The following PARD3 variants were observed in gnomAD, a reference collection of about 807,000 sequenced individuals.
PARD3 encodes partitioning defective 3 homolog.
PARD3 carries 75 observed loss-of-function variants against 155.4 expected under a neutral mutation model. The ratio of observed to expected loss-of-function variants is 0.48; its 90% CI spans 0.40 to 0.58. The LOEUF is 0.58. Ranked by LOEUF, PARD3 falls within the 20% of genes least tolerant of loss-of-function variation. The pLI, the probability that PARD3 is intolerant of heterozygous loss-of-function variation, is 0.00. For synonymous variants in PARD3, 576 were observed against 610.5 expected (o/e 0.94, Z 0.83); for missense variants, 1,642 against 1,721.7 (o/e 0.95, Z 0.82).
chr10:34,320,019 A>C (rs915928179), intron 19 of PARD3, among the ~76,000 whole-genome samples: 1 of 152,278 alleles, frequency 6.6e-6, no homozygotes, highest in African/African-American at 2.4e-5. Context: ...ATCTTTTATT[A>C]TTGCACTTCT....
chr10:34,643,913 T>A (rs568658657), intron 2 of PARD3, among the ~76,000 whole-genome samples: 2 of 152,264 alleles, frequency 1.3e-5, no homozygotes, highest in East Asian at 3.9e-4. Flanking sequence ...CGAGACCCTG[T>A]CTCCAAGTAA....
At chr10:34,606,198 G>A (rs916872106) in intron 2 of PARD3, among the ~76,000 whole-genome samples, 144 of 94,416 alleles carry the variant, frequency 1.5e-3, no homozygotes, top group Non-Finnish European at 3.1e-4. Context: ...GTGTGTGTGT[G>A]TGTGTGTGTG....
intron 1 of PARD3, among the ~76,000 whole-genome samples, chr10:34,767,207 T>C (rs1838208088): frequency 6.6e-6 from 1 of 152,174 alleles, no homozygotes; most frequent in Non-Finnish European, 1.5e-5. Context: ...TTAACAGAGC[T>C]GGGAGTCTAG....
intron 2 of PARD3, among the ~76,000 whole-genome samples, chr10:34,573,366 G>GT (rs1161733081): frequency 6.6e-6 from 1 of 151,616 alleles, no homozygotes; most frequent in African/African-American, 2.4e-5. Flanking sequence ...TTAAAAATAG[G>GT]TAAGAATTTC....
At chr10:34,710,151 A>C (rs1055311977) in intron 1 of PARD3, among the ~76,000 whole-genome samples, 1 of 152,218 alleles carries the variant, frequency 6.6e-6, no homozygotes, top group Non-Finnish European at 1.5e-5. Context: ...ACAATAGAGA[A>C]TGGGAACTAG....
At chr10:34,535,912 C>T (rs1464775013) in intron 2 of PARD3, among the ~76,000 whole-genome samples, 2 of 151,984 alleles carry the variant, frequency 1.3e-5, no homozygotes, top group East Asian at 3.9e-4. Flanking sequence ...AATGCTTTTC[C>T]TTCAAAGACA....
intron 3 of PARD3, among the ~76,000 whole-genome samples, chr10:34,473,519 T>C (rs557394111): frequency 2.3e-5 from 3 of 127,960 alleles, no homozygotes; most frequent in African/African-American, 1.2e-4. Flanking sequence ...AGATCCTGTC[T>C]CTACAAAAAA....
At chr10:34,745,019 A>G (rs1257227739) in intron 1 of PARD3, among the ~76,000 whole-genome samples, 3 of 152,170 alleles carry the variant, frequency 2.0e-5, no homozygotes, top group African/African-American at 7.2e-5. Flanking sequence ...GCCTGACCCC[A>G]GAAAAATCAA....
intron 2 of PARD3, among the ~76,000 whole-genome samples, chr10:34,572,495 C>G (rs144160162): frequency 0.019 from 2,844 of 152,028 alleles, 36 homozygotes; most frequent in Middle Eastern, 0.048. Flanking sequence ...CAAAAATTAG[C>G]CAGGTGTGGT....
intron 3 of PARD3, among the ~76,000 whole-genome samples, chr10:34,471,805 C>T (rs978461758): frequency 1.3e-5 from 2 of 152,146 alleles, no homozygotes; most frequent in African/African-American, 2.4e-5. Context: ...GTTATCCACC[C>T]GCCTCGGCCC....
intron 14 of PARD3, among the ~76,000 whole-genome samples, chr10:34,351,798 G>C (rs1838113330): frequency 2.6e-5 from 4 of 152,240 alleles, no homozygotes; most frequent in Admixed American, 2.6e-4. Flanking sequence ...CCACTCACTT[G>C]TGTAAGAGAA....
chr10:34,659,353 A>G (rs2093263854), intron 2 of PARD3, among the ~76,000 whole-genome samples: 1 of 152,234 alleles, frequency 6.6e-6, no homozygotes, highest in South Asian at 2.1e-4. Flanking sequence ...CTTGCAAAAA[A>G]GTAGAGAGGA....
At chr10:34,454,276 G>C (rs893172272) in intron 4 of PARD3, among the ~76,000 whole-genome samples, 1 of 151,946 alleles carries the variant, frequency 6.6e-6, no homozygotes, top group African/African-American at 2.4e-5. Flanking sequence ...GGCCTGTAAA[G>C]CTGTGTATCT....
At chr10:34,187,638 T>A (rs1950544520) in intron 22 of PARD3, among the ~76,000 whole-genome samples, 1 of 152,210 alleles carries the variant, frequency 6.6e-6, no homozygotes. Context: ...CCTAAAATGT[T>A]TTACACCTTA....
At chr10:34,713,646 G>A (rs886509483) in intron 1 of PARD3, among the ~76,000 whole-genome samples, 10 of 151,988 alleles carry the variant, frequency 6.6e-5, no homozygotes, top group Middle Eastern at 3.2e-3. Context: ...TGCACCTGTA[G>A]TCCCAGCTGC....
intron 3 of PARD3, among the ~76,000 whole-genome samples, chr10:34,485,468 T>C (rs1226677647): frequency 6.6e-6 from 1 of 152,222 alleles, no homozygotes; most frequent in African/African-American, 2.4e-5. Context: ...GGACAGAAGT[T>C]ATAAGCAGAC....
intron 12 of PARD3, 63 bp from the exon 13 acceptor site, chr10:34,360,322 T>C (rs1283229827): frequency 1.7e-6 from 2 of 1,202,688 alleles, no homozygotes; most frequent in Admixed American, 3.5e-5. Flanking sequence ...AAGTTATTTT[T>C]AAAGACTGCT....
intron 1 of PARD3, among the ~76,000 whole-genome samples, chr10:34,760,930 T>G (rs7915211): frequency 0.26 from 39,854 of 152,082 alleles, 5,636 homozygotes; most frequent in East Asian, 0.54. Flanking sequence ...GTCTGTTTTT[T>G]AAACCACTAA....
intron 22 of PARD3, among the ~76,000 whole-genome samples, chr10:34,183,162 G>C (rs907269506): frequency 6.6e-6 from 1 of 152,136 alleles, no homozygotes; most frequent in South Asian, 2.1e-4. Flanking sequence ...ATAAGTCAAC[G>C]CATGAATGAA....
Sources: allele counts gnomAD v4.1 joint callset (sites outside exome capture counted in the v4.1 genomes callset), GRCh38; gene constraint gnomAD v4.1.1; transcripts MANE v1.5; gene names NCBI Gene and HGNC (gene_info 2026-07-23, HGNC 2026-07-21).